The following LRP2 variants were observed in gnomAD, a reference collection of about 807,000 sequenced individuals.
The protein encoded by LRP2 is LDL receptor related protein 2.
In LRP2, 172 loss-of-function variants were observed where a neutral mutation model predicts 531.0. That is an observed-to-expected ratio of 0.32 (90% CI 0.29 to 0.37). The LOEUF (loss-of-function observed/expected upper bound fraction) is 0.37. Among genes scored for constraint, LRP2 ranks in the 10% least tolerant of loss-of-function variants. The pLI, the probability that LRP2 is intolerant of heterozygous loss-of-function variation, is 1.00. For synonymous variants in LRP2, 1,992 were observed against 2,027.6 expected (o/e 0.98, Z 0.47); for missense variants, 5,167 against 5,868.3 (o/e 0.88, Z 3.90).
intron 31 of LRP2, among the ~76,000 whole-genome samples, chr2:169,229,815 A>G (rs974889083): frequency 3.3e-5 from 5 of 152,204 alleles, no homozygotes; most frequent in Admixed American, 2.6e-4. Flanking sequence ...TTTACTTAAC[A>G]GCATCACAGA....
chr2:169,166,456 C>T (rs998103634), intron 61 of LRP2, among the ~76,000 whole-genome samples: 3 of 152,132 alleles, frequency 2.0e-5, no homozygotes, highest in Non-Finnish European at 4.4e-5. Context: ...ATAAAGGCCT[C>T]GGTGGCTGGA....
intron 62 of LRP2, 120 bp from the exon 63 acceptor site, chr2:169,162,720 T>C: frequency 9.5e-7 from 1 of 1,050,868 alleles, no homozygotes. Flanking sequence ...CATTTCCCAG[T>C]CTCCCTTGCA....
intron 8 of LRP2, among the ~76,000 whole-genome samples, chr2:169,290,044 C>T (rs975504636): frequency 2.0e-5 from 3 of 152,070 alleles, no homozygotes; most frequent in Non-Finnish European, 4.4e-5. Context: ...TTTTAAATGG[C>T]ATTTCCTTAC....
In LRP2 at chr2:169,206,244, A is replaced by G; in HGVS notation, c.7391-56T>C. ...GCACACACAAAGACATTAGAGTCTC[A>G]TATGCATTAGAAACACTCAGTCATC... On this transcript the variant is annotated intron_variant, in intron 39 of 78. Transcript: ENST00000649046. The G allele has an allele frequency of 2.5e-6, 4 of 1,609,336 alleles. No homozygotes were observed. The Admixed American group carries it at 5.0e-5, about 20-fold the overall frequency.
At chr2:169,339,580 A>C (rs1353276570) in intron 1 of LRP2, among the ~76,000 whole-genome samples, 5 of 152,232 alleles carry the variant, frequency 3.3e-5, no homozygotes, top group Admixed American at 2.6e-4. Context: ...TAAAAAATAC[A>C]TGCTTAACTA....
chr2:169,171,921 T>G, intron 58 of LRP2, 94 bp downstream of exon 58: 6 of 1,481,136 alleles, frequency 4.1e-6, no homozygotes, highest in African/African-American at 1.4e-5. Context: ...TCCTACCCAT[T>G]GAGGATCAAT....
intron 9 of LRP2, among the ~76,000 whole-genome samples, chr2:169,288,544 G>C (rs1683916310): frequency 6.7e-6 from 1 of 149,284 alleles, no homozygotes; most frequent in Non-Finnish European, 1.5e-5. Flanking sequence ...CAATGACCTG[G>C]TGATCCTCTG....
Position 169,247,373 on chromosome 2 carries a change from C to T in LRP2, c.2908+5G>A. 1 of 1,614,098 alleles carries T rather than the reference C, an allele frequency of 6.2e-7. No homozygotes were observed. Among genetic ancestry groups the T allele is most frequent in the Non-Finnish European group, 8.5e-7 (1 of 1,180,030 alleles). On this transcript the variant is annotated splice_donor_5th_base_variant and intron_variant, in intron 20 of 78. Transcript: ENST00000649046. Reference sequence around the variant, plus strand: ...AAATAAAAAAAACTGGGCAATCTCACTCACCAGTCTGGATGTTGACATCAT... The same window carrying T: ...AAATAAAAAAAACTGGGCAATCTCATTCACCAGTCTGGATGTTGACATCAT...
chr2:169,156,511 G>A (rs1558983829), intron 64 of LRP2, 106 bp from the exon 65 acceptor site: 2 of 1,256,576 alleles, frequency 1.6e-6, no homozygotes. Flanking sequence ...ACCGAGAAGG[G>A]TACAGATGAA....
chr2:169,326,848 G>C (rs566740621), intron 1 of LRP2, among the ~76,000 whole-genome samples: 1 of 149,348 alleles, frequency 6.7e-6, no homozygotes, highest in South Asian at 2.1e-4. Flanking sequence ...CTGAGATGTG[G>C]GGAGCGCCTC....
At chr2:169,215,947 T>A (rs1441455319) in intron 35 of LRP2, among the ~76,000 whole-genome samples, 1 of 151,502 alleles carries the variant, frequency 6.6e-6, no homozygotes, top group Non-Finnish European at 1.5e-5. Context: ...ATGAAAGAAA[T>A]GGCTCTGAAA....
chr2:169,310,559 T>C (rs2105498992), intron 3 of LRP2, among the ~76,000 whole-genome samples: 1 of 152,324 alleles, frequency 6.6e-6, no homozygotes, highest in South Asian at 2.1e-4. Flanking sequence ...ACCAACTTGA[T>C]CATGGTGGAT....
rs146669420 is a variant in LRP2 at position 169,177,985 on chromosome 2, T to A, written c.10211A>T (p.Asp3404Val). The change falls in exon 53 of 79, where the codon GAT becomes GTT. Residue 3404 changes from aspartate (D) to valine (V), a missense_variant. Asp to Val is a radical substitution (Grantham distance 152, BLOSUM62 -3). Around this residue, in one of 6 missense-constraint regions of LRP2, gnomAD observed 1,129 missense variants for 1,362.7 expected, o/e 0.83. Transcript: ENST00000649046. Reference protein sequence around the residue: ...LEGHHRHTVYDGALPHPFAIT... With the variant: ...LEGHHRHTVYVGALPHPFAIT... ...AGCGAAAGGGTGAGGCAGTGCCCCA[T>A]CATACACCGTGTGTCGATGGTGGCC... The A allele has an allele frequency of 8.7e-5, 141 of 1,613,994 alleles. No homozygotes were observed. The highest frequency in any genetic ancestry group is 1.1e-4 in the East Asian group (5 of 44,892).
At chr2:169,281,203 C>A (rs1683693976) in intron 10 of LRP2, among the ~76,000 whole-genome samples, 1 of 152,064 alleles carries the variant, frequency 6.6e-6, no homozygotes, top group Non-Finnish European at 1.5e-5. Flanking sequence ...AGGCAGATCA[C>A]CTGAAGTCAG....
chr2:169,318,564 A>G (rs1684827876), intron 3 of LRP2, among the ~76,000 whole-genome samples, 198 bp downstream of exon 3: 1 of 152,220 alleles, frequency 6.6e-6, no homozygotes, highest in African/African-American at 2.4e-5. Flanking sequence ...TTGCTGGGGT[A>G]TATTCATAAT....
chr2:169,169,780 T>G lies in LRP2; in HGVS notation c.11419A>C (p.Ser3807Arg). Reference sequence around the variant, plus strand: ...AGTTCACTGTGTACACAATGTCCACTTGTACACTGAAAATATTCAGGATGG... The same window carrying G: ...AGTTCACTGTGTACACAATGTCCACGTGTACACTGAAAATATTCAGGATGG... ...TCHPEYFQCT[S>R]GHCVHSELKC... The change falls in exon 60 of 79, where the codon AGT (serine) becomes CGT (arginine). Residue 3807 changes from serine to arginine, a missense_variant. Physicochemically the swap from Ser to Arg is moderately radical, Grantham distance 110. Coordinates refer to ENST00000649046, the MANE Select transcript of LRP2 (RefSeq NM_004525.3). 1 of 1,613,888 alleles carries G rather than the reference T, an allele frequency of 6.2e-7. No homozygotes were observed.
intron 38 of LRP2, among the ~76,000 whole-genome samples, 181 bp from the exon 39 acceptor site, chr2:169,207,431 A>G (rs1431708607): frequency 1.3e-5 from 2 of 152,232 alleles, no homozygotes; most frequent in Non-Finnish European, 2.9e-5. Flanking sequence ...CCTAGGAATT[A>G]TAGAGATTGT....
chr2:169,208,123 T>C (rs1174310748), intron 38 of LRP2, among the ~76,000 whole-genome samples: 2 of 152,206 alleles, frequency 1.3e-5, no homozygotes, highest in African/African-American at 4.8e-5. Flanking sequence ...ATAATAAATA[T>C]TTTAGGCTTT....
At position 169,139,603 on chromosome 2, in the gene LRP2, T is replaced by C. The variant is rs1331751622; in HGVS notation, c.13207A>G (p.Ser4403Gly). 6.2e-7 allele frequency: 1 copy of C among 1,614,202 alleles called. No individual in the cohort carries two copies. The highest frequency in any genetic ancestry group is 8.5e-7 in the Non-Finnish European group (1 of 1,180,006). Residue 4403 changes from serine to glycine, a missense_variant, in exon 73 of 79, where the codon AGC becomes GGC. Physicochemically the swap from Ser to Gly is moderately conservative, Grantham distance 56. Around this residue, in one of 6 missense-constraint regions of LRP2, gnomAD observed 348 missense variants for 369.3 expected, o/e 0.94. Transcript: ENST00000649046. ...TCACAATATTTTCCGGTGTAGCCGCTAGGACACCTGAAAGGAAAAAGCAAA... is the reference window on the plus strand; with the variant it reads ...TCACAATATTTTCCGGTGTAGCCGCCAGGACACCTGAAAGGAAAAAGCAAA... ...ETDLPKCKCP[S>G]GYTGKYCEMA...
Sources: gnomAD v4.1 joint callset for allele counts (sites outside exome capture counted in the v4.1 genomes callset) on GRCh38, gnomAD v4.1.1 for gene constraint, gnomAD v4.1.1 regional missense constraint, MANE v1.5 for transcripts, NCBI Gene and HGNC (gene_info 2026-07-23, HGNC 2026-07-21) for gene names.